Variants in C2 observed in about 807,000 individuals in gnomAD.
C2 encodes C3/C5 convertase.
C2 carries 64 observed loss-of-function variants against 85.2 expected under a neutral mutation model. The observed-to-expected ratio is 0.75, with a 90% confidence interval of 0.61 to 0.92. C2 has a LOEUF of 0.92. Ranked by LOEUF, C2 falls within the 40% of genes least tolerant of loss-of-function variation. C2 has a pLI of 0.00. For missense variants in C2, 820 were observed against 971.6 expected (o/e 0.84, Z 2.07); for synonymous variants, 311 against 370.8 (o/e 0.84, Z 1.85).
upstream of C2, among the ~76,000 whole-genome samples, chr6:31,925,945 A>G (rs985036009): frequency 4.6e-4 from 70 of 152,134 alleles, no homozygotes; most frequent in African/African-American, 1.6e-3. Flanking sequence ...TTGCTCTGTC[A>G]TCCCCAGCAT....
At chr6:31,905,926 C>T (rs1378961321) in intron 1 of C2, among the ~76,000 whole-genome samples, 1 of 152,022 alleles carries the variant, frequency 6.6e-6, no homozygotes, top group Non-Finnish European at 1.5e-5. Flanking sequence ...TAATCCAAAA[C>T]CGTAGCAAAC....
upstream of C2, among the ~76,000 whole-genome samples, chr6:31,915,028 A>G (rs1768407856): frequency 6.6e-6 from 1 of 152,206 alleles, no homozygotes; most frequent in Non-Finnish European, 1.5e-5. Context: ...CTATGCCTCA[A>G]CGTTGGTGCT....
rs973186905 is a variant in C2 at position 31,943,802 on chromosome 6, C to G, written c.1726C>G (p.His576Asp). The change falls in exon 13 of 18, where the codon CAT (histidine) becomes GAT (aspartate). Residue 576 changes from histidine to aspartate, a missense_variant. Coordinates refer to ENST00000299367, the MANE Select transcript of C2 (RefSeq NM_000063.6). This position sits in a 1 kb window ranked among gnomAD's most constrained non-coding sequence, Gnocchi z 6.4. The part of the protein sequence containing the change: ...KLAQKVKMST[H>D]ARPICLPCTM... ...GGCCCAGAAAGTAAAGATGTCCACCCATGCCAGGTGCCTGGAGTCTGGGAT... is the reference window on the plus strand; with the variant it reads ...GGCCCAGAAAGTAAAGATGTCCACCGATGCCAGGTGCCTGGAGTCTGGGAT... 6.2e-7 allele frequency: 1 copy of G among 1,612,946 alleles called. No homozygotes were observed. Among genetic ancestry groups the G allele is most frequent in the African/African-American group, 1.3e-5 (1 of 74,926 alleles).
chr6:31,944,952 A>T lies in C2; in HGVS notation c.2030-28A>T. 1 of 1,613,056 alleles carries T rather than the reference A, an allele frequency of 6.2e-7. No individual in the cohort carries two copies. The highest frequency in any genetic ancestry group is 8.5e-7 in the Non-Finnish European group (1 of 1,179,992). On this transcript the variant is annotated intron_variant, in intron 16 of 17. Transcript: ENST00000299367. This position sits in a 1 kb window ranked among gnomAD's most constrained non-coding sequence, Gnocchi z 5.1. ...ACACCAGTCCACTGCCCTAGATGAC[A>T]CTGTCTCCTGTCACCCTTTGCTGGC...
chr6:31,924,572 A>G (rs959770583), upstream of C2, among the ~76,000 whole-genome samples: 1 of 152,184 alleles, frequency 6.6e-6, no homozygotes, highest in Non-Finnish European at 1.5e-5. Context: ...CTTAAGCAGG[A>G]AGAGAGAATG....
chr6:31,908,870 A>G (rs28732165), intron 1 of C2, among the ~76,000 whole-genome samples: 7 of 152,054 alleles, frequency 4.6e-5, no homozygotes, highest in Non-Finnish European at 7.3e-5. Context: ...GCTATTGCAC[A>G]CTGAATAGAC....
At chr6:31,941,814 C>CTTTTTTTTTTTTTTTTTTT (rs9281643) in intron 9 of C2, 2 of 96,684 alleles carry the variant, frequency 2.1e-5, no homozygotes, top group African/African-American at 4.5e-5. Context: ...AGCCAGTTCA[C>CTTTTTTTTTTTTTTTTTTT]TTTTTTTTTT....
intron 1 of C2, among the ~76,000 whole-genome samples, chr6:31,905,295 A>G (rs1309744281): frequency 6.6e-6 from 1 of 151,850 alleles, no homozygotes; most frequent in African/African-American, 2.4e-5. Flanking sequence ...TTAGCAGGGC[A>G]TGATGGTGTG....
Position 31,933,648 on chromosome 6 carries a change from G to A in C2, c.481G>A (p.Val161Met), listed in dbSNP as rs1382314513. 2.5e-6 allele frequency: 4 copies of A among 1,613,032 alleles called. No homozygotes were observed. The highest frequency in any genetic ancestry group is 1.7e-5 in the Admixed American group (1 of 60,014). Residue 161 changes from valine (V) to methionine (M), a missense_variant, in exon 4 of 18, where the codon GTG (valine) becomes ATG (methionine). Coordinates refer to ENST00000299367, the MANE Select transcript of C2 (RefSeq NM_000063.6). ...CAACCCAGGCATTTCACTGGGCGCA[G>A]TGCGGACAGGCTTCCGCTTTGGTCA... is the stretch of plus-strand genomic sequence containing the variant. ...CPNPGISLGAVRTGFRFGHGD... is the reference protein window; with the variant it reads ...CPNPGISLGAMRTGFRFGHGD...
Position 31,945,130 on chromosome 6 carries a change from C to T in C2, c.2080-48C>T, listed in dbSNP as rs1338311946. ...AGGGATCTAGGGAGGTTGGGGCTTACAGTTGGGGCTGTGGCAGCCTCCCAG... is the reference window on the plus strand; with the variant it reads ...AGGGATCTAGGGAGGTTGGGGCTTATAGTTGGGGCTGTGGCAGCCTCCCAG... On this transcript the variant is annotated intron_variant, in intron 17 of 17. Coordinates refer to ENST00000299367, the MANE Select transcript of C2 (RefSeq NM_000063.6). The surrounding 1 kb of genome is among the most constrained non-coding windows in gnomAD (Gnocchi z 5.3). The T allele has an allele frequency of 2.5e-6, 4 of 1,610,544 alleles. No individual in the cohort carries two copies. The African/African-American group carries it at 5.3e-5, about 21-fold the overall frequency.
chr6:31,933,681 A>G lies in C2; in HGVS notation c.514A>G (p.Lys172Glu). ...RTGFRFGHGD[K>E]VRYRCSSNLV... ...AGGCTTCCGCTTTGGTCATGGGGAC[A>G]AGGTCCGCTATCGCTGCTCCTCGAA... The change falls in exon 4 of 18, where the codon AAG becomes GAG. Residue 172 changes from lysine (K) to glutamate (E), a missense_variant. Coordinates refer to ENST00000299367, the MANE Select transcript of C2 (RefSeq NM_000063.6). 6.2e-7 allele frequency: 1 copy of G among 1,613,150 alleles called. No individual in the cohort carries two copies. The highest frequency in any genetic ancestry group is 8.5e-7 in the Non-Finnish European group (1 of 1,180,044).
At chr6:31,910,069 T>TG (rs931243635) in intron 1 of C2, among the ~76,000 whole-genome samples, 1 of 150,740 alleles carries the variant, frequency 6.6e-6, no homozygotes, top group Non-Finnish European at 1.5e-5. Context: ...ATAGTAGAGA[T>TG]GGGGTTTCAC....
intron 3 of C2, 81 bp from the exon 4 acceptor site, chr6:31,933,529 T>C (rs1770098603): frequency 3.3e-5 from 50 of 1,496,178 alleles, no homozygotes; most frequent in Non-Finnish European, 4.3e-5. Context: ...GGGAAGCTTC[T>C]GCTGGCAACT....
At position 31,921,382 on chromosome 6, in the gene C2, G is replaced by T. The variant is rs1768958352; in HGVS notation, c.-100+1356G>T. On this transcript the variant is annotated intron_variant, in intron 1 of 3. Coordinates refer to the C2 transcript ENST00000413154. This position sits in a 1 kb window ranked among gnomAD's most constrained non-coding sequence, Gnocchi z 4.6. ...AATGGCGTGGACAGGTCTTGTAGGA[G>T]TCTGGAAGATGAGGGATTTGAGAAG... Among the ~76,000 whole-genome samples, 1 of 152,202 alleles carries T rather than the reference G, an allele frequency of 6.6e-6. No homozygotes were observed. Among genetic ancestry groups the T allele is most frequent in the African/African-American group, 2.4e-5 (1 of 41,502 alleles).
intron 1 of C2, among the ~76,000 whole-genome samples, chr6:31,907,154 G>A (rs1445921611): frequency 1.2e-4 from 17 of 144,930 alleles, no homozygotes; most frequent in Admixed American, 4.8e-4. Context: ...AAAAAAAAAA[G>A]CAAAATAAAA....
chr6:31,909,870 CTGTTTTTTTT>C (rs1198028704), intron 1 of C2, among the ~76,000 whole-genome samples: 3 of 151,630 alleles, frequency 2.0e-5, no homozygotes, highest in Non-Finnish European at 2.9e-5. Context: ...TTGTTATTTT[CTGTTTTTTTT>C]TGTTTTTTGT....
At position 31,904,486 on chromosome 6, in the gene C2, G is replaced by A. The variant is rs1331965301; in HGVS notation, c.73+3347G>A. Among the ~76,000 whole-genome samples, 2 of 144,808 alleles carry A rather than the reference G, an allele frequency of 1.4e-5. No individual in the cohort carries two copies. The highest frequency in any genetic ancestry group is 2.4e-5 in the African/African-American group (1 of 40,920). The allele number at this position is 144,808 out of a possible 152,430, so 95.0% of individuals were successfully genotyped here. A position where few individuals can be genotyped will look rare whatever the true frequency, so the allele number is the denominator to read the frequency against. ...CCGCCACCATGCCTAGCTAATTTTCGCATTTTTAGTAGAGACGGGGTTTCA... is the reference window on the plus strand; with the variant it reads ...CCGCCACCATGCCTAGCTAATTTTCACATTTTTAGTAGAGACGGGGTTTCA... On this transcript the variant is annotated intron_variant, in intron 1 of 3. Transcript: ENST00000452202. This position sits in a 1 kb window ranked among gnomAD's most constrained non-coding sequence, Gnocchi z 4.4.
chr6:31,933,828 CCA>C (rs1770153690), intron 4 of C2, 37 bp from the exon 5 acceptor site: 1 of 1,613,326 alleles, frequency 6.2e-7, no homozygotes, highest in African/African-American at 1.3e-5. Context: ...GCACACCCGG[CCA>C]CTGCCCCGGC....
chr6:31,939,755 T>TCAAATG (rs1770735818), intron 9 of C2, among the ~76,000 whole-genome samples: 1 of 152,100 alleles, frequency 6.6e-6, no homozygotes, highest in South Asian at 2.1e-4. Flanking sequence ...GCTCAGCCCG[T>TCAAATG]CTTCACAAAT....
Sources: allele counts gnomAD v4.1 joint callset (sites outside exome capture counted in the v4.1 genomes callset), GRCh38; gene constraint gnomAD v4.1.1; non-coding constraint Gnocchi (gnomAD v3.1); transcripts MANE v1.5; gene names NCBI Gene and HGNC (gene_info 2026-07-23, HGNC 2026-07-21).